Variants in PDE6A observed in about 807,000 individuals in gnomAD.
PDE6A encodes phosphodiesterase 6A.
A neutral mutation model predicts 106.3 loss-of-function variants in PDE6A; 84 were observed. The ratio of observed to expected loss-of-function variants is 0.79; its 90% CI spans 0.66 to 0.95. The LOEUF is 0.95. Among genes scored for constraint, PDE6A ranks in the 40% least tolerant of loss-of-function variants. The probability of loss-of-function intolerance (pLI) is 0.00; values close to 1 mark genes in which losing one functional copy is unlikely to be tolerated. For synonymous variants in PDE6A, 394 were observed against 386.6 expected, an observed-to-expected ratio of 1.02 and a Z score of -0.23; for missense variants, 1,052 against 1,084.9, an observed-to-expected ratio of 0.97 and a Z score of 0.43.
chr5:149,901,956 G>T (rs1358356066), intron 8 of PDE6A, among the ~76,000 whole-genome samples: 1 of 152,120 alleles, frequency 6.6e-6, no homozygotes, highest in Non-Finnish European at 1.5e-5. Context: ...CAAATCAGTA[G>T]TGACAGGGCC....
chr5:149,890,073 AC>A (rs1561718281), intron 13 of PDE6A, among the ~76,000 whole-genome samples: 1 of 149,356 alleles, frequency 6.7e-6, no homozygotes, highest in Non-Finnish European at 1.5e-5. Flanking sequence ...CTCCTGCCTC[AC>A]CCTCCTGAGT....
rs899608908 is a variant in PDE6A, at chr5:149,944,310, C to T, written c.364G>A (p.Glu122Lys). The T allele has an allele frequency of 8.7e-6, 14 of 1,613,836 alleles. No homozygotes were observed. The highest frequency in any genetic ancestry group is 1.7e-5 in the Admixed American group (1 of 59,976). Residue 122 changes from glutamate to lysine, a missense_variant, in exon 1 of 22, where the codon GAG (glutamate) becomes AAG (lysine). Around this residue, in one of 3 missense-constraint regions of PDE6A, gnomAD observed 913 missense variants for 915.2 expected, o/e 1.00. Transcript: ENST00000255266. Reference sequence around the variant, plus strand: ...TGGTCGGGCATCACCAGGCAGTCCTCGAGGACAGCATCCTTGTGGACATTG... The same window carrying T: ...TGGTCGGGCATCACCAGGCAGTCCTTGAGGACAGCATCCTTGTGGACATTG... ...LFNVHKDAVL[E>K]DCLVMPDQEI...
intron 4 of PDE6A, among the ~76,000 whole-genome samples, chr5:149,921,998 C>T (rs879287235): frequency 9.9e-5 from 15 of 152,242 alleles, no homozygotes; most frequent in Admixed American, 2.6e-4. Context: ...AGGGTCTTTA[C>T]GGCTAAGAAA....
intron 4 of PDE6A, among the ~76,000 whole-genome samples, chr5:149,926,527 G>A (rs1215816034): frequency 6.6e-6 from 1 of 152,114 alleles, no homozygotes; most frequent in East Asian, 1.9e-4. Flanking sequence ...AAACAATAAA[G>A]CTTTTAGAAT....
At chr5:149,905,691 G>T (rs1488186958) in intron 7 of PDE6A, among the ~76,000 whole-genome samples, 1 of 152,136 alleles carries the variant, frequency 6.6e-6, no homozygotes, top group Non-Finnish European at 1.5e-5. Context: ...CTGACTCATG[G>T]TAAGCACCCA....
intron 4 of PDE6A, among the ~76,000 whole-genome samples, chr5:149,926,058 A>G (rs1753857313): frequency 6.6e-6 from 1 of 152,158 alleles, no homozygotes; most frequent in South Asian, 2.1e-4. Context: ...CCTGGCCAAT[A>G]TGGTGAAACC....
At chr5:149,914,832 T>C in intron 6 of PDE6A, 111 bp downstream of exon 6, 1 of 791,478 alleles carries the variant, frequency 1.3e-6, no homozygotes, top group East Asian at 2.4e-5. Context: ...GTCAGAACAC[T>C]TATGTATTTT....
At chr5:149,883,332 G>T in intron 17 of PDE6A, 97 bp downstream of exon 17, 1 of 816,722 alleles carries the variant, frequency 1.2e-6, no homozygotes, top group Non-Finnish European at 2.1e-6. Flanking sequence ...AAATGAAATA[G>T]TCCCAAGGCT....
chr5:149,881,946 G>T (rs1760942855), intron 17 of PDE6A, among the ~76,000 whole-genome samples: 1 of 151,332 alleles, frequency 6.6e-6, no homozygotes, highest in African/African-American at 2.5e-5. Flanking sequence ...CAACTACTAA[G>T]GAGGCTGAGG....
intron 7 of PDE6A, among the ~76,000 whole-genome samples, chr5:149,906,538 A>AAAAAAAAAAAAAAAAAAAAAAAAC (rs1211394804): frequency 1.4e-5 from 2 of 147,200 alleles, no homozygotes; most frequent in Non-Finnish European, 3.0e-5. Context: ...AAAAAAAAAA[A>AAAAAAAAAAAAAAAAAAAAAAAAC]TCCCACCTTT....
intron 5 of PDE6A, among the ~76,000 whole-genome samples, chr5:149,920,986 GAAAGAA>G (rs768431989): frequency 0.023 from 3,145 of 134,174 alleles, 50 homozygotes; most frequent in Admixed American, 0.031. Flanking sequence ...AAGAAAGAAA[GAAAGAA>G]AGAAAAAGAA....
chr5:149,864,083 A>G (rs553448839), intron 20 of PDE6A, among the ~76,000 whole-genome samples: 36 of 152,158 alleles, frequency 2.4e-4, no homozygotes, highest in African/African-American at 7.5e-4. Flanking sequence ...CTTCCTTGTC[A>G]TGACTCCCTT....
At chr5:149,943,311 T>A (rs944681922) in intron 1 of PDE6A, among the ~76,000 whole-genome samples, 2 of 152,246 alleles carry the variant, frequency 1.3e-5, no homozygotes, top group Non-Finnish European at 2.9e-5. Flanking sequence ...ACAGCACATG[T>A]TTCTGCAAGC....
chr5:149,887,643 G>A (rs539858914), intron 13 of PDE6A, among the ~76,000 whole-genome samples: 17 of 151,888 alleles, frequency 1.1e-4, no homozygotes, highest in Admixed American at 7.9e-4. Context: ...GGTTTGGGTC[G>A]GGAGAAACAG....
At chr5:149,904,195 C>T (rs1370351141) in intron 7 of PDE6A, among the ~76,000 whole-genome samples, 2 of 152,086 alleles carry the variant, frequency 1.3e-5, no homozygotes, top group South Asian at 2.1e-4. Flanking sequence ...TGCAGTGAGC[C>T]GAGATCGTGC....
chr5:149,893,984 G>T (rs985837592), intron 13 of PDE6A, among the ~76,000 whole-genome samples: 2 of 152,184 alleles, frequency 1.3e-5, no homozygotes, highest in African/African-American at 2.4e-5. Context: ...ACTGAGGAAA[G>T]TTTCCAATGG....
intron 11 of PDE6A, 95 bp downstream of exon 11, chr5:149,896,616 T>C (rs918272039): frequency 1.2e-6 from 2 of 1,613,790 alleles, no homozygotes; most frequent in Non-Finnish European, 1.7e-6. Flanking sequence ...AACAGAGTGA[T>C]GGGGAACATG....
Position 149,859,555 on chromosome 5 carries a change from G to A in PDE6A, c.*1340C>T, listed in dbSNP as rs1382682511. On this transcript the variant is annotated 3_prime_UTR_variant, in exon 22 of 22. Coordinates refer to ENST00000255266, the MANE Select transcript of PDE6A (RefSeq NM_000440.3). ...CGACAGCCTTAGTGGACCCCACGAGGAGTCGTGGAGCTGGAACAGCCCTGC... is the reference window on the plus strand; with the variant it reads ...CGACAGCCTTAGTGGACCCCACGAGAAGTCGTGGAGCTGGAACAGCCCTGC... 6.6e-6 allele frequency: 1 copy of A among 152,318 alleles called. No homozygotes were observed. Among genetic ancestry groups the A allele is most frequent in the Non-Finnish European group, 1.5e-5 (1 of 68,106 alleles). The allele number at this position is 152,318 out of a possible 1,614,324, so 9.4% of individuals were successfully genotyped here. A position where few individuals can be genotyped will look rare whatever the true frequency, so the allele number is the denominator to read the frequency against.
chr5:149,941,555 T>C (rs1036652002), intron 1 of PDE6A, among the ~76,000 whole-genome samples: 2 of 152,200 alleles, frequency 1.3e-5, no homozygotes, highest in Admixed American at 6.5e-5. Context: ...CTTCCAGTAA[T>C]GGGACAGACT....
Sources: gnomAD v4.1 joint callset for allele counts (sites outside exome capture counted in the v4.1 genomes callset) on GRCh38, gnomAD v4.1.1 for gene constraint, gnomAD v4.1.1 regional missense constraint, MANE v1.5 for transcripts, NCBI Gene and HGNC (gene_info 2026-07-23, HGNC 2026-07-21) for gene names.